The following CRADD variants were observed in gnomAD, a reference collection of about 807,000 sequenced individuals.
CRADD encodes the protein death domain-containing protein CRADD.
In CRADD, 9 loss-of-function variants were observed where a neutral mutation model predicts 15.5. The ratio of observed to expected loss-of-function variants is 0.58; its 90% CI spans 0.35 to 1.01. The LOEUF is 1.01. Ranked by LOEUF, CRADD falls within the 50% of genes least tolerant of loss-of-function variation. The pLI is 0.02. For missense variants in CRADD, 227 were observed against 250.3 expected (o/e 0.91, Z 0.63); for synonymous variants, 118 against 107.6 (o/e 1.10, Z -0.60).
intron 2 of CRADD, among the ~76,000 whole-genome samples, chr12:93,739,318 C>T (rs1194017676): frequency 7.5e-6 from 1 of 132,540 alleles, no homozygotes; most frequent in Non-Finnish European, 1.6e-5. Context: ...GGTTGGTACC[C>T]ACTAATCTTA....
chr12:93,800,105 T>C (rs1489825360), intron 2 of CRADD, among the ~76,000 whole-genome samples: 1 of 152,176 alleles, frequency 6.6e-6, no homozygotes, highest in Non-Finnish European at 1.5e-5. Flanking sequence ...ATGAAATTTA[T>C]TGTAGGTATT....
chr12:93,778,685 C>T (rs1210227197), intron 2 of CRADD, among the ~76,000 whole-genome samples: 2 of 149,402 alleles, frequency 1.3e-5, no homozygotes, highest in African/African-American at 2.5e-5. Context: ...AATCTTAACT[C>T]ACTATTCATA....
At chr12:93,802,793 CAG>C (rs1276530628) in intron 2 of CRADD, among the ~76,000 whole-genome samples, 2 of 152,178 alleles carry the variant, frequency 1.3e-5, no homozygotes, top group Non-Finnish European at 2.9e-5. Context: ...GGGAGCTTCT[CAG>C]TGTGAGCTCT....
intron 2 of CRADD, among the ~76,000 whole-genome samples, chr12:93,685,268 A>G (rs1955404215): frequency 6.6e-6 from 1 of 152,174 alleles, no homozygotes; most frequent in African/African-American, 2.4e-5. Flanking sequence ...TGTGGTTATT[A>G]GGGACTGGGA....
At chr12:93,785,384 T>C (rs1957266712) in intron 2 of CRADD, among the ~76,000 whole-genome samples, 2 of 152,208 alleles carry the variant, frequency 1.3e-5, no homozygotes, top group South Asian at 4.1e-4. Flanking sequence ...GGGTAGTGGC[T>C]TGAGTCACCC....
chr12:93,778,663 GTC>G (rs1957165892), intron 2 of CRADD, among the ~76,000 whole-genome samples: 2 of 149,906 alleles, frequency 1.3e-5, no homozygotes, highest in African/African-American at 4.9e-5. Context: ...GTTTATTTTT[GTC>G]TGTTAGCCAA....
chr12:93,852,424 C>T (rs1283480866), downstream of CRADD, among the ~76,000 whole-genome samples: 1 of 152,226 alleles, frequency 6.6e-6, no homozygotes, highest in Admixed American at 6.5e-5. Flanking sequence ...GAAGAACAAG[C>T]CCACGATGGG....
At chr12:93,694,413 G>C (rs1955650110) in intron 2 of CRADD, among the ~76,000 whole-genome samples, 1 of 152,144 alleles carries the variant, frequency 6.6e-6, no homozygotes, top group Non-Finnish European at 1.5e-5. Context: ...TCAGGAACAA[G>C]AGAAGGATGC....
intron 2 of CRADD, among the ~76,000 whole-genome samples, chr12:93,809,893 G>A (rs114447926): frequency 0.011 from 1,649 of 152,158 alleles, 30 homozygotes; most frequent in African/African-American, 0.038. Flanking sequence ...CCCTCAACTT[G>A]TGTTCTCCTT....
intron 2 of CRADD, among the ~76,000 whole-genome samples, chr12:93,773,813 G>GTT (rs3030268): frequency 0.012 from 1,065 of 87,518 alleles, 75 homozygotes; most frequent in African/African-American, 0.04. Context: ...TACTTTGTGA[G>GTT]TTTTTTTTTT....
At chr12:93,706,070 C>T (rs1417508424) in intron 2 of CRADD, among the ~76,000 whole-genome samples, 1 of 152,112 alleles carries the variant, frequency 6.6e-6, no homozygotes, top group African/African-American at 2.4e-5. Flanking sequence ...TACATGTACT[C>T]GTATAGCTGC....
rs143769987 is a variant in CRADD, at chr12:93,693,215, C to T, written c.298+14143C>T. Among the ~76,000 whole-genome samples the T allele has an allele frequency of 2.2e-4, 33 of 152,190 alleles. No individual in the cohort carries two copies. The South Asian group carries it at 3.3e-3, about 15-fold the overall frequency. ...TACAAAGCAACCAGGAAACAGTTAACGAAATGGCAGAAGCAAGACCTTATC... is the reference window on the plus strand; with the variant it reads ...TACAAAGCAACCAGGAAACAGTTAATGAAATGGCAGAAGCAAGACCTTATC... On this transcript the variant is annotated intron_variant, in intron 2 of 2. Transcript: ENST00000332896.
chr12:93,729,596 A>G (rs1318793990), intron 2 of CRADD, among the ~76,000 whole-genome samples: 1 of 151,786 alleles, frequency 6.6e-6, no homozygotes, highest in East Asian at 1.9e-4. Context: ...GACCAGCCTG[A>G]CCAACATGGA....
intron 2 of CRADD, among the ~76,000 whole-genome samples, chr12:93,884,100 G>A (rs1378908124): frequency 6.6e-6 from 1 of 152,182 alleles, no homozygotes; most frequent in African/African-American, 2.4e-5. Context: ...CTAAAAAAGG[G>A]TATGAATACC....
At chr12:93,832,991 C>G (rs1049181101) in intron 2 of CRADD, among the ~76,000 whole-genome samples, 4 of 152,128 alleles carry the variant, frequency 2.6e-5, no homozygotes, top group African/African-American at 9.7e-5. Context: ...TTTTGAAGTA[C>G]ATGTAATTTT....
At chr12:93,796,476 G>A (rs1391703836) in intron 2 of CRADD, among the ~76,000 whole-genome samples, 2 of 151,700 alleles carry the variant, frequency 1.3e-5, no homozygotes, top group Admixed American at 6.6e-5. Context: ...ATGGTGGTGG[G>A]CACTTGTAAT....
chr12:93,802,655 C>T (rs575551469), intron 2 of CRADD, among the ~76,000 whole-genome samples: 128 of 152,310 alleles, frequency 8.4e-4, no homozygotes, highest in African/African-American at 2.8e-3. Context: ...ATGTCCTCTT[C>T]GGTCTGCTAG....
In CRADD at chr12:93,738,476, G is replaced by T. The variant is rs1022552641; in HGVS notation, c.298+59404G>T. On this transcript the variant is annotated intron_variant, in intron 2 of 2. Transcript: ENST00000332896. ...TGAAGTCTACCCAGAAGAGCTGGCA[G>T]AGTAGGCCCCTTCACTGGGACTGCA... 3 of 702,188 alleles carry T rather than the reference G, an allele frequency of 4.3e-6. No individual in the cohort carries two copies. In the African/African-American group the frequency reaches 5.2e-5, roughly 12 times the overall value. The allele number at this position is 702,188 out of a possible 1,614,324, so 43.5% of individuals were successfully genotyped here.
intron 2 of CRADD, among the ~76,000 whole-genome samples, chr12:93,791,164 C>T (rs372343585): frequency 1.5e-4 from 23 of 152,084 alleles, no homozygotes; most frequent in African/African-American, 5.6e-4. Context: ...AATCTCACTA[C>T]TGAGTATATA....
Sources: gnomAD v4.1 joint callset for allele counts (sites outside exome capture counted in the v4.1 genomes callset) on GRCh38, gnomAD v4.1.1 for gene constraint, MANE v1.5 for transcripts, NCBI Gene and HGNC (gene_info 2026-07-23, HGNC 2026-07-21) for gene names.